VAV1: variants seen among roughly 807,000 people sequenced by gnomAD.
The protein encoded by VAV1 is vav guanine nucleotide exchange factor 1, also known as proto-oncogene vav.
A neutral mutation model predicts 128.1 loss-of-function variants in VAV1; 33 were observed. The ratio of observed to expected loss-of-function variants is 0.26; its 90% CI spans 0.20 to 0.34. VAV1 has a LOEUF of 0.34. Ranked by LOEUF, VAV1 falls within the 10% of genes least tolerant of loss-of-function variation. The pLI is 1.00. For synonymous variants in VAV1, 394 were observed against 409.8 expected (o/e 0.96, Z 0.47); for missense variants, 715 against 1,093.7 (o/e 0.65, Z 4.88).
At chr19:6,837,207 G>A (rs1247789631) in intron 21 of VAV1, among the ~76,000 whole-genome samples, 157 bp downstream of exon 21, 11 of 152,146 alleles carry the variant, frequency 7.2e-5, no homozygotes, top group Admixed American at 7.2e-4. Flanking sequence ...CCCACCAACT[G>A]AGCCCAGAGA....
chr19:6,828,912 C>A lies in VAV1; in HGVS notation c.1265+12C>A, dbSNP rs748566930. The A allele has an allele frequency of 2.5e-6, 4 of 1,613,652 alleles. No homozygotes were observed. The South Asian group carries it at 3.3e-5, about 13-fold the overall frequency. On this transcript the variant is annotated intron_variant, in intron 13 of 26. Coordinates refer to ENST00000602142, the MANE Select transcript of VAV1 (RefSeq NM_005428.4). The surrounding 1 kb of genome is among the most constrained non-coding windows in gnomAD (Gnocchi z 4.5). ...TCCAAGATGGACAGGTGGGTGGAGT[C>A]AACATGGATCTGGGATGGAGCCTGG...
At chr19:6,783,708 T>A (rs1970820948) in intron 1 of VAV1, among the ~76,000 whole-genome samples, 1 of 152,042 alleles carries the variant, frequency 6.6e-6, no homozygotes, top group East Asian at 1.9e-4. Context: ...CCTCGGGTGA[T>A]CCACTCGCCT....
chr19:6,814,710 T>C (rs1178404454), intron 1 of VAV1, among the ~76,000 whole-genome samples: 55 of 139,550 alleles, frequency 3.9e-4, no homozygotes, highest in African/African-American at 1.3e-3. Flanking sequence ...CTTTCTTTCT[T>C]TCTTTCTTTC....
At chr19:6,813,270 C>T (rs778029269) in intron 1 of VAV1, among the ~76,000 whole-genome samples, 10 of 152,232 alleles carry the variant, frequency 6.6e-5, no homozygotes, top group Admixed American at 1.3e-4. Flanking sequence ...CAGCTCCTCT[C>T]CACCTGGGGC....
At chr19:6,780,510 T>C (rs1970745666) in intron 1 of VAV1, among the ~76,000 whole-genome samples, 1 of 150,550 alleles carries the variant, frequency 6.6e-6, no homozygotes, top group African/African-American at 2.4e-5. Flanking sequence ...CCGTACAGCA[T>C]GGGACTGCAC....
intron 25 of VAV1, among the ~76,000 whole-genome samples, chr19:6,853,664 T>C (rs1348612246): frequency 6.6e-6 from 1 of 151,124 alleles, no homozygotes; most frequent in Non-Finnish European, 1.5e-5. Flanking sequence ...CCAGGAGGCA[T>C]AGGTTGCAGT....
chr19:6,834,637 A>G (rs1193523038), intron 19 of VAV1, among the ~76,000 whole-genome samples: 1 of 146,718 alleles, frequency 6.8e-6, no homozygotes, highest in Non-Finnish European at 1.5e-5. Context: ...ATAATATAGT[A>G]ATAATATATT....
rs148778427 is a variant in VAV1, at chr19:6,788,350, TTTATTATTATTA to T, written c.204+15366_204+15377del. Among the ~76,000 whole-genome samples the T allele has an allele frequency of 5.4e-3, 760 of 141,978 alleles. 2 individuals carry two copies. Among genetic ancestry groups the T allele is most frequent in the South Asian group, 0.02 (87 of 4,376 alleles). 93.1% of individuals were successfully genotyped at this position (141,978 alleles called of 152,430 possible). ...CTTCGTTGAACATGATTCTTTTTAT[TTTATTATTATTA>T]TTATTATTATTATTATTATTATTAT... On this transcript the variant is annotated intron_variant, in intron 1 of 26. Coordinates refer to ENST00000602142, the MANE Select transcript of VAV1 (RefSeq NM_005428.4).
At chr19:6,823,618 C>T (rs1193209201) in intron 6 of VAV1, among the ~76,000 whole-genome samples, 1 of 151,840 alleles carries the variant, frequency 6.6e-6, no homozygotes, top group Non-Finnish European at 1.5e-5. Context: ...TGGGCCTCTT[C>T]CTCTTGTCTC....
chr19:6,794,009 A>T, intron 1 of VAV1, among the ~76,000 whole-genome samples: 1 of 100,796 alleles, frequency 9.9e-6, no homozygotes, highest in African/African-American at 4.5e-5. Flanking sequence ...AAAAATTGAT[A>T]AATGATTTAT....
Position 6,772,939 on chromosome 19 carries a change from T to C in VAV1, c.132T>C (p.Cys44=). 6.2e-7 allele frequency: 1 copy of C among 1,614,104 alleles called. No homozygotes were observed. Residue 44 remains cysteine, a synonymous_variant, in exon 1 of 27, where the codon TGT becomes TGC. Transcript: ENST00000602142. This position sits in a 1 kb window ranked among gnomAD's most constrained non-coding sequence, Gnocchi z 4.8. ...AQALRDGVLL[C]QLLNNLLPHA... Reference sequence around the variant, plus strand: ...CCCTCCGGGATGGTGTCCTTCTGTGTCAGCTGCTTAACAACCTGCTACCCC... The same window carrying C: ...CCCTCCGGGATGGTGTCCTTCTGTGCCAGCTGCTTAACAACCTGCTACCCC...
At chr19:6,815,833 G>A (rs530093302) in intron 1 of VAV1, among the ~76,000 whole-genome samples, 2 of 152,182 alleles carry the variant, frequency 1.3e-5, no homozygotes, top group Admixed American at 1.3e-4. Context: ...TGAGAGCATG[G>A]TGGGTGGAAG....
At chr19:6,852,653 G>A (rs1035531117) in intron 24 of VAV1, among the ~76,000 whole-genome samples, 5 of 151,724 alleles carry the variant, frequency 3.3e-5, no homozygotes, top group African/African-American at 4.9e-5. Context: ...CCCTGGAGGC[G>A]GAGCTTGCAG....
Position 6,857,121 on chromosome 19 carries a change from G to T in VAV1, c.*14G>T. 1 of 1,613,936 alleles carries T rather than the reference G, an allele frequency of 6.2e-7. No individual in the cohort carries two copies. Among genetic ancestry groups the T allele is most frequent in the South Asian group, 1.1e-5 (1 of 91,066 alleles). On this transcript the variant is annotated 3_prime_UTR_variant, in exon 27 of 27. Coordinates refer to ENST00000602142, the MANE Select transcript of VAV1 (RefSeq NM_005428.4). ...GAATACTGCTGAGCCCTGGTGCCTT[G>T]GCAGAGAGACGAGAAACTCCAGGCT...
intron 1 of VAV1, among the ~76,000 whole-genome samples, chr19:6,798,688 A>G (rs893875597): frequency 7.9e-5 from 12 of 151,258 alleles, no homozygotes; most frequent in Non-Finnish European, 1.5e-4. Flanking sequence ...AAGGGGGAAA[A>G]AAGAAAGAAT....
At position 6,772,897 on chromosome 19, in the gene VAV1, G is replaced by T. The variant is rs1449724961; in HGVS notation, c.90G>T (p.Val30=). 1 of 1,614,156 alleles carries T rather than the reference G, an allele frequency of 6.2e-7. No homozygotes were observed. ...SHRVTWDGAQ[V]CELAQALRDG... ...GCGTGACCTGGGATGGGGCTCAGGT[G>T]TGTGAACTGGCCCAGGCCCTCCGGG... is the stretch of plus-strand genomic sequence containing the variant. The change falls in exon 1 of 27, where the codon GTG becomes GTT. Residue 30 remains valine (V), a synonymous_variant. Transcript: ENST00000602142. The surrounding 1 kb of genome is among the most constrained non-coding windows in gnomAD (Gnocchi z 4.8).
At chr19:6,824,256 T>G (rs752759285) in intron 6 of VAV1, among the ~76,000 whole-genome samples, 9 of 152,042 alleles carry the variant, frequency 5.9e-5, no homozygotes, top group Non-Finnish European at 8.8e-5. Context: ...TTAGAACGTT[T>G]TCATCATCTC....
At chr19:6,838,209 A>T (rs1196335603) in intron 21 of VAV1, among the ~76,000 whole-genome samples, 1 of 49,272 alleles carries the variant, frequency 2.0e-5, no homozygotes, top group African/African-American at 5.8e-5. Flanking sequence ...CTATCTACCC[A>T]TCTATTATCT....
chr19:6,832,117 G>A lies in VAV1; in HGVS notation c.1425G>A (p.Glu475=), dbSNP rs373925208. The A allele has an allele frequency of 1.2e-6, 2 of 1,614,000 alleles. No individual in the cohort carries two copies. Among genetic ancestry groups the A allele is most frequent in the Middle Eastern group, 1.6e-4 (1 of 6,082 alleles). ...KKWSHMFLLI[E]DQGAQGYELF... ...GGAGCCACATGTTCCTCCTGATCGA[G>A]GACCAAGGTGCCCAGGGCTATGAGC... The change falls in exon 15 of 27, where the codon GAG becomes GAA. Residue 475 remains glutamate (E), a synonymous_variant. Coordinates refer to ENST00000602142, the MANE Select transcript of VAV1 (RefSeq NM_005428.4).
Sources: allele counts gnomAD v4.1 joint callset (sites outside exome capture counted in the v4.1 genomes callset), GRCh38; gene constraint gnomAD v4.1.1; non-coding constraint Gnocchi (gnomAD v3.1); transcripts MANE v1.5; gene names NCBI Gene and HGNC (gene_info 2026-07-23, HGNC 2026-07-21).